The following P4HA3 variants were observed in gnomAD, a reference collection of about 807,000 sequenced individuals.
The protein encoded by P4HA3 is prolyl 4-hydroxylase subunit alpha 3.
A neutral mutation model predicts 66.7 loss-of-function variants in P4HA3; 60 were observed. The ratio of observed to expected loss-of-function variants is 0.90; its 90% confidence interval spans 0.73 to 1.12. The LOEUF is 1.12. P4HA3 is among the 50% of genes most tolerant of loss of function. The probability of loss-of-function intolerance (pLI) is 0.00; values close to 1 mark genes in which losing one functional copy is unlikely to be tolerated. For synonymous variants in P4HA3, 263 were observed against 274.6 expected (o/e 0.96, Z 0.42); for missense variants, 683 against 685.8 (o/e 1.00, Z 0.05).
chr11:74,302,371 T>G lies in P4HA3; in HGVS notation c.565A>C (p.Lys189Gln). 1 of 1,611,724 alleles carries G rather than the reference T, an allele frequency of 6.2e-7. No individual in the cohort carries two copies. Among genetic ancestry groups the G allele is most frequent in the Non-Finnish European group, 8.5e-7 (1 of 1,179,234 alleles). The part of the protein sequence containing the change: ...LTGDDCFQVG[K>Q]VAYDMGDYYH... ...GGCCCTCTCTTGAATATTGTTACCT[T>G]GCCAACTTGGAAGCAGTCATCCCCT... Residue 189 changes from lysine to glutamine, a missense_variant and splice_region_variant, in exon 3 of 13, where the codon AAG (lysine) becomes CAG (glutamine). Coordinates refer to ENST00000331597, the MANE Select transcript of P4HA3 (RefSeq NM_182904.5).
chr11:74,257,524 G>A (rs958779337), intron 15 of P4HA3, among the ~76,000 whole-genome samples: 2 of 152,160 alleles, frequency 1.3e-5, no homozygotes, highest in Non-Finnish European at 2.9e-5. Context: ...AAGCGCTGGA[G>A]ACTTGAAAGT....
intron 9 of P4HA3, among the ~76,000 whole-genome samples, chr11:74,274,411 T>C (rs982396117): frequency 2.0e-5 from 3 of 151,492 alleles, no homozygotes; most frequent in Non-Finnish European, 4.4e-5. Flanking sequence ...GTTCATGCCA[T>C]TCTCCTGCCT....
chr11:74,280,361 T>G (rs1860550866), intron 7 of P4HA3, among the ~76,000 whole-genome samples: 1 of 152,020 alleles, frequency 6.6e-6, no homozygotes, highest in South Asian at 2.1e-4. Context: ...GGTCTTGTTT[T>G]GTTGCCCAGG....
At chr11:74,276,856 T>C (rs1860413999) in intron 9 of P4HA3, 129 bp downstream of exon 9, 1 of 1,072,298 alleles carries the variant, frequency 9.3e-7, no homozygotes, top group South Asian at 2.0e-5. Context: ...CAGATATTTC[T>C]GGAAAAAGAA....
intron 2 of P4HA3, among the ~76,000 whole-genome samples, chr11:74,303,770 G>A (rs1281731724): frequency 6.6e-6 from 1 of 151,826 alleles, no homozygotes; most frequent in East Asian, 1.9e-4. Context: ...TTTTGATAGC[G>A]ACAGGGTTTC....
At chr11:74,267,428 G>C in intron 12 of P4HA3, 110 bp from the exon 13 acceptor site, 1 of 1,350,322 alleles carries the variant, frequency 7.4e-7, no homozygotes, top group Non-Finnish European at 1.0e-6. Flanking sequence ...CTTAAATTCT[G>C]CATCCTAGGT....
chr11:74,298,214 G>A lies in P4HA3; in HGVS notation c.715C>T (p.Arg239Trp), dbSNP rs370785990. Residue 239 changes from arginine (R) to tryptophan (W), a missense_variant and splice_region_variant, in exon 4 of 13, where the codon CGG becomes TGG. Coordinates refer to ENST00000331597, the MANE Select transcript of P4HA3 (RefSeq NM_182904.5). ...ALDHLAFAYF[R>W]AGNVSCALSL... is the part of the protein sequence containing the mutation. ...GTGAGCTTCACTTACTCCCTTACCC[G>A]GAAATAAGCAAAGGCCAAGTGATCC... The A allele has an allele frequency of 9.8e-5, 158 of 1,612,968 alleles. No individual in the cohort carries two copies. The highest frequency in any genetic ancestry group is 1.2e-4 in the Non-Finnish European group (141 of 1,179,508).
intron 3 of P4HA3, among the ~76,000 whole-genome samples, chr11:74,299,536 G>T (rs1046037546): frequency 1.3e-5 from 2 of 151,974 alleles, no homozygotes; most frequent in Non-Finnish European, 2.9e-5. Flanking sequence ...AAGTTAATTT[G>T]TTTAATTAAG....
At chr11:74,310,819 G>A (rs1259165272) in intron 1 of P4HA3, among the ~76,000 whole-genome samples, 1 of 152,222 alleles carries the variant, frequency 6.6e-6, no homozygotes, top group African/African-American at 2.4e-5. Context: ...CTCACATATG[G>A]TGGAAGACTG....
At chr11:74,289,511 T>C (rs994115718) in intron 4 of P4HA3, among the ~76,000 whole-genome samples, 42 of 152,136 alleles carry the variant, frequency 2.8e-4, no homozygotes, top group African/African-American at 9.9e-4. Context: ...TTGTTACATA[T>C]GTATACATGT....
chr11:74,286,481 C>T, intron 5 of P4HA3, 90 bp from the exon 6 acceptor site: 1 of 1,274,854 alleles, frequency 7.8e-7, no homozygotes, highest in South Asian at 1.7e-5. Flanking sequence ...AGCTTCACTG[C>T]TGCACAGGAT....
At chr11:74,307,778 G>A (rs1591142185) in intron 1 of P4HA3, among the ~76,000 whole-genome samples, 2 of 152,166 alleles carry the variant, frequency 1.3e-5, no homozygotes, top group East Asian at 3.8e-4. Flanking sequence ...ATTAAACATA[G>A]CCTGGGCAGG....
At chr11:74,253,964 T>C (rs1859770390) in intron 15 of P4HA3, 1 of 183,008 alleles carries the variant, frequency 5.5e-6, no homozygotes, top group Non-Finnish European at 1.1e-5. Context: ...TATTTTTCCC[T>C]TTCAAATAAA....
chr11:74,280,976 C>T (rs2134750806), intron 7 of P4HA3, among the ~76,000 whole-genome samples: 1 of 152,174 alleles, frequency 6.6e-6, no homozygotes, highest in South Asian at 2.1e-4. Flanking sequence ...GCAACCTACT[C>T]ATCTGACAAA....
Position 74,293,251 on chromosome 11 carries a change from C to A in P4HA3, c.718-4121G>T, listed in dbSNP as rs369420699. ...TTGTTGGTTTAAAGTCTGTTTTATCCGAGACTAGGATTGCAACCCCTGCCT... is the reference window on the plus strand; with the variant it reads ...TTGTTGGTTTAAAGTCTGTTTTATCAGAGACTAGGATTGCAACCCCTGCCT... On this transcript the variant is annotated intron_variant, in intron 4 of 12. Coordinates refer to ENST00000331597, the MANE Select transcript of P4HA3 (RefSeq NM_182904.5). Among the ~76,000 whole-genome samples, 195 of 150,958 alleles carry A rather than the reference C, an allele frequency of 1.3e-3. 2 individuals carry two copies. Among genetic ancestry groups the A allele is most frequent in the African/African-American group, 4.5e-3 (184 of 41,116 alleles).
At chr11:74,308,400 C>T (rs1861634061) in intron 1 of P4HA3, among the ~76,000 whole-genome samples, 1 of 152,078 alleles carries the variant, frequency 6.6e-6, no homozygotes, top group Non-Finnish European at 1.5e-5. Context: ...CCTAGCCAGG[C>T]ATGGTGGTGT....
chr11:74,298,344 C>T lies in P4HA3; in HGVS notation c.585G>A (p.Gly195=). 1 of 1,613,798 alleles carries T rather than the reference C, an allele frequency of 6.2e-7. No individual in the cohort carries two copies. The highest frequency in any genetic ancestry group is 2.2e-5 in the East Asian group (1 of 44,878). ...FQVGKVAYDM[G]DYYHAIPWLE... Reference sequence around the variant, plus strand: ...GCCATGGAATGGCATGGTAATAATCCCCCATGTCATAGGCCACCTACACAG... The same window carrying T: ...GCCATGGAATGGCATGGTAATAATCTCCCATGTCATAGGCCACCTACACAG... The change falls in exon 4 of 13, where the codon GGG becomes GGA. Residue 195 remains glycine, a synonymous_variant. Coordinates refer to ENST00000331597, the MANE Select transcript of P4HA3 (RefSeq NM_182904.5).
intron 9 of P4HA3, among the ~76,000 whole-genome samples, chr11:74,276,602 A>G (rs1860405691): frequency 6.6e-6 from 1 of 152,146 alleles, no homozygotes; most frequent in Non-Finnish European, 1.5e-5. Flanking sequence ...AAACAAGCAC[A>G]TGTACCCCAT....
chr11:74,310,133 T>C (rs1861688609), intron 1 of P4HA3, among the ~76,000 whole-genome samples: 1 of 152,226 alleles, frequency 6.6e-6, no homozygotes, highest in South Asian at 2.1e-4. Context: ...TATATCCAAA[T>C]AGTGACGTGG....
Sources: allele counts gnomAD v4.1 joint callset (sites outside exome capture counted in the v4.1 genomes callset), GRCh38; gene constraint gnomAD v4.1.1; transcripts MANE v1.5; gene names NCBI Gene and HGNC (gene_info 2026-07-23, HGNC 2026-07-21).